Variants in THSD7B observed in about 807,000 individuals in gnomAD.
THSD7B encodes thrombospondin type-1 domain-containing protein 7B.
THSD7B carries 138 observed loss-of-function variants against 213.6 expected under a neutral mutation model. The observed-to-expected ratio is 0.65, with a 90% CI of 0.56 to 0.74. The LOEUF (loss-of-function observed/expected upper bound fraction) is 0.74. THSD7B is among the 30% of genes least tolerant of loss of function. The probability of loss-of-function intolerance (pLI) is 0.00; values close to 1 mark genes in which losing one functional copy is unlikely to be tolerated. For missense variants in THSD7B, 1,931 were observed against 1,991.5 expected (o/e 0.97, Z 0.58); for synonymous variants, 742 against 687.0 (o/e 1.08, Z -1.25).
At chr2:137,052,567 C>G (rs1480313081) in intron 2 of THSD7B, among the ~76,000 whole-genome samples, 2 of 151,754 alleles carry the variant, frequency 1.3e-5, no homozygotes, top group Non-Finnish European at 1.5e-5. Context: ...GTAATAAAAG[C>G]AAGGTTTTTT....
chr2:137,533,160 G>A (rs1680431944), intron 15 of THSD7B, among the ~76,000 whole-genome samples: 1 of 151,686 alleles, frequency 6.6e-6, no homozygotes, highest in African/African-American at 2.4e-5. Context: ...TCACCAAACT[G>A]CGTTTGAGTA....
intron 12 of THSD7B, among the ~76,000 whole-genome samples, chr2:137,305,741 C>CATGGGTTGTAT (rs1328149277): frequency 6.6e-6 from 1 of 152,080 alleles, no homozygotes; most frequent in African/African-American, 2.4e-5. Flanking sequence ...TCATGTGTCA[C>CATGGGTTGTAT]TTAATGACAG....
At chr2:137,501,865 G>C (rs1679714419) in intron 15 of THSD7B, among the ~76,000 whole-genome samples, 1 of 152,184 alleles carries the variant, frequency 6.6e-6, no homozygotes, top group Non-Finnish European at 1.5e-5. Flanking sequence ...TCTAAGCAGG[G>C]CTTTCCCCAG....
intron 3 of THSD7B, among the ~76,000 whole-genome samples, chr2:137,070,075 G>T (rs1157025481): frequency 6.6e-6 from 1 of 151,626 alleles, no homozygotes; most frequent in Non-Finnish European, 1.5e-5. Context: ...AATATGCATA[G>T]TTAGAGGAAT....
chr2:137,485,733 G>T (rs930609896), intron 15 of THSD7B, among the ~76,000 whole-genome samples: 3 of 152,202 alleles, frequency 2.0e-5, no homozygotes, highest in African/African-American at 7.2e-5. Flanking sequence ...AAATGTTAAG[G>T]GCAGCCAGGG....
chr2:137,213,772 T>G (rs532310732), intron 7 of THSD7B, among the ~76,000 whole-genome samples: 1 of 152,210 alleles, frequency 6.6e-6, no homozygotes, highest in East Asian at 1.9e-4. Flanking sequence ...ATTCCCATCC[T>G]TGTTTAAATC....
At chr2:136,901,731 C>A (rs1254710882) in intron 2 of THSD7B, among the ~76,000 whole-genome samples, 1 of 152,202 alleles carries the variant, frequency 6.6e-6, no homozygotes, top group Non-Finnish European at 1.5e-5. Flanking sequence ...GAAAGGAATT[C>A]TGTGTTCTCA....
At chr2:137,470,913 T>G (rs1285834986) in intron 15 of THSD7B, among the ~76,000 whole-genome samples, 1 of 23,960 alleles carries the variant, frequency 4.2e-5, no homozygotes, top group African/African-American at 6.5e-5. Flanking sequence ...TTCTTTACTT[T>G]TTTTTTTTTT....
chr2:136,828,321 T>A (rs1015140940), intron 1 of THSD7B, among the ~76,000 whole-genome samples: 10 of 152,166 alleles, frequency 6.6e-5, no homozygotes, highest in African/African-American at 2.4e-4. Flanking sequence ...GAACTATCAT[T>A]GACAACTGTC....
intron 4 of THSD7B, among the ~76,000 whole-genome samples, chr2:137,110,588 C>G (rs531541647): frequency 6.6e-6 from 1 of 152,160 alleles, no homozygotes; most frequent in East Asian, 1.9e-4. Context: ...GTTTCTCTAA[C>G]ATTTAGAATG....
At chr2:137,519,119 G>A (rs899906766) in intron 15 of THSD7B, among the ~76,000 whole-genome samples, 2 of 152,120 alleles carry the variant, frequency 1.3e-5, no homozygotes, top group African/African-American at 2.4e-5. Context: ...TGGTGTGGTG[G>A]CGTGCGCCTA....
chr2:136,850,405 G>C (rs1056511918), intron 1 of THSD7B, among the ~76,000 whole-genome samples: 1 of 151,930 alleles, frequency 6.6e-6, no homozygotes, highest in Non-Finnish European at 1.5e-5. Context: ...TAAAAGAAAA[G>C]TAAAGCAAAT....
At chr2:136,787,294 T>C (rs1195127078) in intron 1 of THSD7B, among the ~76,000 whole-genome samples, 4 of 152,150 alleles carry the variant, frequency 2.6e-5, no homozygotes, top group Admixed American at 6.5e-5. Flanking sequence ...CTGTATAGTA[T>C]ACTTTTGATT....
chr2:136,977,330 CTCT>C (rs368772431), intron 2 of THSD7B, among the ~76,000 whole-genome samples: 1 of 152,100 alleles, frequency 6.6e-6, no homozygotes, highest in Non-Finnish European at 1.5e-5. Flanking sequence ...ATTCTTCTCT[CTCT>C]TCTTCTTAGT....
rs748151551 is a variant in THSD7B, at chr2:137,663,396, G to A, written c.4472G>A (p.Gly1491Asp). Residue 1491 changes from glycine (G) to aspartate (D), a missense_variant, in exon 26 of 28, where the codon GGT becomes GAT. Coordinates refer to ENST00000409968, the MANE Select transcript of THSD7B (RefSeq NM_001316349.2). Reference protein sequence around the residue: ...FSYCTQGGVCGCEKGYTEIMK... With the variant: ...FSYCTQGGVCDCEKGYTEIMK... ...TTTATGCTGTAGGGTGGAGTCTGTG[G>A]TTGTGAGAAGGGCTATACAGAGATA... 1 of 1,583,626 alleles carries A rather than the reference G, an allele frequency of 6.3e-7. No individual in the cohort carries two copies. The highest frequency in any genetic ancestry group is 1.8e-5 in the Admixed American group (1 of 55,144).
intron 6 of THSD7B, among the ~76,000 whole-genome samples, chr2:137,169,286 GTT>G (rs70978205): frequency 1.0e-4 from 14 of 140,500 alleles, no homozygotes; most frequent in African/African-American, 1.3e-4. Context: ...TTTATTTGAG[GTT>G]TTTTTTTTTT....
intron 12 of THSD7B, among the ~76,000 whole-genome samples, chr2:137,401,634 C>CTTTTTTTTTT (rs35834967): frequency 2.3e-5 from 3 of 132,696 alleles, no homozygotes; most frequent in African/African-American, 2.8e-5. Context: ...TTCTTTCTTT[C>CTTTTTTTTTT]TTTTTTTTTT....
Position 136,798,240 on chromosome 2 carries a change from G to A in THSD7B, c.-36+32553G>A, listed in dbSNP as rs1364756419. ...TGGATACCTCAAATCTTGCATGTTA[G>A]CAACCCCTATTTTATACATTAGGAT... On this transcript the variant is annotated intron_variant, in intron 1 of 27. Coordinates refer to ENST00000409968, the MANE Select transcript of THSD7B (RefSeq NM_001316349.2). 2.0e-5 allele frequency among the ~76,000 whole-genome samples: 3 copies of A among 151,538 alleles called. No homozygotes were observed. The East Asian group carries it at 5.8e-4, about 29-fold the overall frequency.
intron 14 of THSD7B, among the ~76,000 whole-genome samples, chr2:137,426,107 A>T (rs6724845): frequency 1.1e-4 from 16 of 152,044 alleles, no homozygotes; most frequent in Admixed American, 7.9e-4. Context: ...TAAAATACTT[A>T]GGAATAAAAT....
Sources: gnomAD v4.1 joint callset for allele counts (sites outside exome capture counted in the v4.1 genomes callset) on GRCh38, gnomAD v4.1.1 for gene constraint, MANE v1.5 for transcripts, NCBI Gene and HGNC (gene_info 2026-07-23, HGNC 2026-07-21) for gene names.